The following DNAH14 variants were observed in gnomAD, a reference collection of about 807,000 sequenced individuals.
DNAH14 encodes axonemal beta dynein heavy chain 14.
In DNAH14, 478 loss-of-function variants were observed where a neutral mutation model predicts 520.9. The observed-to-expected ratio is 0.92, with a 90% CI of 0.85 to 0.99. The LOEUF (loss-of-function observed/expected upper bound fraction) is 0.99, where lower values mean the gene tolerates loss of function less well. Ranked by LOEUF, DNAH14 falls within the 50% of genes least tolerant of loss-of-function variation. DNAH14 has a pLI of 0.00. For missense variants in DNAH14, 4,831 were observed against 5,234.5 expected, an observed-to-expected ratio of 0.92 and a Z score of 2.38; for synonymous variants, 1,581 against 1,757.2, an observed-to-expected ratio of 0.90 and a Z score of 2.51.
Position 225,324,231 on chromosome 1 carries a change from A to G in DNAH14, c.9505A>G (p.Lys3169Glu). The G allele has an allele frequency of 6.4e-7, 1 of 1,551,690 alleles. No homozygotes were observed. Among genetic ancestry groups the G allele is most frequent in the Non-Finnish European group, 8.7e-7 (1 of 1,146,988 alleles). The change falls in exon 63 of 86, where the codon AAG (lysine) becomes GAG (glutamate). Residue 3169 changes from lysine (K) to glutamate (E), a missense_variant. Lys to Glu is a moderately conservative substitution (Grantham distance 56). Coordinates refer to ENST00000682510, the MANE Select transcript of DNAH14 (RefSeq NM_001367479.1). ...ACTGTGTTCTCTCTAGGTTTTCGTG[A>G]AGCTAAAAAAAATTGTAACCTTACC... ...KDSIPDKVFVKLKKIVTLPDF... is the reference protein window; with the variant it reads ...KDSIPDKVFVELKKIVTLPDF...
chr1:225,342,185 A>G (rs74551602), intron 69 of DNAH14, among the ~76,000 whole-genome samples: 23 of 152,184 alleles, frequency 1.5e-4, no homozygotes, highest in Non-Finnish European at 2.8e-4. Context: ...TAGTTTTTTT[A>G]AAAAGGCAAA....
At position 225,042,796 on chromosome 1, in the gene DNAH14, A is replaced by G. The variant is rs370623156; in HGVS notation, c.1489-39A>G. ...CTAAATTAAATGTTCTGTAAGTTAT[A>G]TGTTGTCACTGGCACCCTCACATTA... On this transcript the variant is annotated intron_variant, in intron 12 of 85. Coordinates refer to ENST00000682510, the MANE Select transcript of DNAH14 (RefSeq NM_001367479.1). 77 of 1,518,396 alleles carry G rather than the reference A, an allele frequency of 5.1e-5. No individual in the cohort carries two copies. The African/African-American group carries it at 8.9e-4, about 18-fold the overall frequency. 94.1% of individuals were successfully genotyped at this position (1,518,396 alleles called of 1,614,324 possible). A position where few individuals can be genotyped will look rare whatever the true frequency, so the allele number is the denominator to read the frequency against.
At chr1:225,097,821 A>G (rs1270548769) in intron 22 of DNAH14, among the ~76,000 whole-genome samples, 1 of 152,098 alleles carries the variant, frequency 6.6e-6, no homozygotes, top group Non-Finnish European at 1.5e-5. Context: ...AAACTACAAT[A>G]TTATGTGTTT....
At chr1:225,352,944 T>G (rs2095386955) in intron 72 of DNAH14, among the ~76,000 whole-genome samples, 2 of 152,090 alleles carry the variant, frequency 1.3e-5, no homozygotes, top group South Asian at 4.1e-4. Flanking sequence ...GACCCATAAT[T>G]TATTATACTG....
intron 17 of DNAH14, among the ~76,000 whole-genome samples, chr1:225,065,164 A>G (rs992009593): frequency 6.6e-6 from 1 of 152,028 alleles, no homozygotes; most frequent in Admixed American, 6.6e-5. Context: ...GCCCATGCCT[A>G]TGTCCTGAAT....
chr1:225,093,060 C>T (rs1458754623), intron 21 of DNAH14, among the ~76,000 whole-genome samples: 1 of 152,050 alleles, frequency 6.6e-6, no homozygotes, highest in Non-Finnish European at 1.5e-5. Context: ...CAGCCAAATT[C>T]TACCAGATGT....
At chr1:225,315,922 C>T (rs185901710) in intron 60 of DNAH14, among the ~76,000 whole-genome samples, 2 of 152,326 alleles carry the variant, frequency 1.3e-5, no homozygotes, top group African/African-American at 4.8e-5. Flanking sequence ...CCACTTGAGG[C>T]AGTCTGTCCC....
At chr1:225,176,023 G>A (rs12028308) in intron 36 of DNAH14, among the ~76,000 whole-genome samples, 36,760 of 151,872 alleles carry the variant, frequency 0.24, 5,400 homozygotes, top group Non-Finnish European at 0.32. Flanking sequence ...CAAAGTGCTC[G>A]GATTACAGGC....
intron 11 of DNAH14, among the ~76,000 whole-genome samples, chr1:225,035,304 TCTG>T (rs1191127349): frequency 6.6e-6 from 1 of 151,928 alleles, no homozygotes; most frequent in Non-Finnish European, 1.5e-5. Flanking sequence ...GTTTGCTCTC[TCTG>T]TTTTTTTAGT....
intron 8 of DNAH14, among the ~76,000 whole-genome samples, chr1:224,988,707 G>A (rs1465795098): frequency 4.6e-5 from 7 of 152,306 alleles, no homozygotes; most frequent in Admixed American, 4.6e-4. Flanking sequence ...GTGCAGTGTT[G>A]TGATCATAGC....
chr1:225,180,035 G>A (rs930038238), intron 36 of DNAH14, among the ~76,000 whole-genome samples: 1 of 151,960 alleles, frequency 6.6e-6, no homozygotes, highest in Non-Finnish European at 1.5e-5. Flanking sequence ...TCTGCTTTTA[G>A]GATCCTCTCC....
intron 36 of DNAH14, among the ~76,000 whole-genome samples, chr1:225,181,034 T>A (rs375980613): frequency 4.6e-5 from 7 of 152,328 alleles, no homozygotes; most frequent in African/African-American, 1.4e-4. Context: ...TCTGCCCATG[T>A]GTACTTAAGA....
rs868581095 is a variant in DNAH14 at position 225,097,211 on chromosome 1, C to A, written c.3667C>A (p.Pro1223Thr). ...NCQRNWLYLEPVFHSSEIRRQ... is the reference protein window; with the variant it reads ...NCQRNWLYLETVFHSSEIRRQ... ...TCAAAGAAATTGGCTTTATCTTGAA[C>A]CAGTCTTTCATTCTTCAGAAATACG... Residue 1223 changes from proline to threonine, a missense_variant, in exon 22 of 86, where the codon CCA becomes ACA. Physicochemically the swap from Pro to Thr is conservative, Grantham distance 38 (BLOSUM62 -1). Coordinates refer to ENST00000682510, the MANE Select transcript of DNAH14 (RefSeq NM_001367479.1). The A allele has an allele frequency of 2.7e-5, 42 of 1,550,350 alleles. 2 individuals are homozygous for A. The African/African-American group carries it at 3.3e-4, about 12-fold the overall frequency.
intron 36 of DNAH14, among the ~76,000 whole-genome samples, chr1:225,174,638 T>C (rs2083114479): frequency 6.6e-6 from 1 of 152,128 alleles, no homozygotes; most frequent in African/African-American, 2.4e-5. Flanking sequence ...CTTAAATTTC[T>C]CCTTTCTAAT....
At chr1:225,289,848 AATGT>A in intron 54 of DNAH14, 33 bp from the exon 55 acceptor site, 1 of 1,260,332 alleles carries the variant, frequency 7.9e-7, no homozygotes, top group Non-Finnish European at 1.0e-6. Flanking sequence ...ATTCCCAGAA[AATGT>A]ATGTCATGTG....
chr1:225,335,702 CAT>C (rs2094979838), intron 66 of DNAH14, among the ~76,000 whole-genome samples: 1 of 79,596 alleles, frequency 1.3e-5, no homozygotes, highest in Admixed American at 1.0e-4. Context: ...TACATATGTG[CAT>C]ATATGTATAT....
rs757829115 is a variant in DNAH14, at chr1:224,929,803, G to T, written c.-66G>T. 2 of 696,970 alleles carry T rather than the reference G, an allele frequency of 2.9e-6. 1 individual carries two copies. The highest frequency in any genetic ancestry group is 3.0e-5 in the South Asian group (2 of 67,394). 43.2% of individuals were successfully genotyped at this position (696,970 alleles called of 1,614,324 possible). ...CCGGACCTTCGCCGCTTCCAGGAAG[G>T]GCCACAACGGCCGTCGGACCACGGC... On this transcript the variant is annotated 5_prime_UTR_variant, in exon 1 of 86. Coordinates refer to ENST00000682510, the MANE Select transcript of DNAH14 (RefSeq NM_001367479.1).
chr1:225,397,044 G>C (rs1001403996), intron 84 of DNAH14: 7 of 148,496 alleles, frequency 4.7e-5, no homozygotes, highest in African/African-American at 1.7e-4. Flanking sequence ...GTCTTGCTCT[G>C]TTGCCCAGGC....
chr1:225,105,339 G>A (rs531005197), intron 23 of DNAH14, among the ~76,000 whole-genome samples: 15 of 152,192 alleles, frequency 9.9e-5, no homozygotes, highest in African/African-American at 3.6e-4. Context: ...GTGCAGTGTG[G>A]TGCTGAGAAG....
Sources: allele counts gnomAD v4.1 joint callset (sites outside exome capture counted in the v4.1 genomes callset), GRCh38; gene constraint gnomAD v4.1.1; transcripts MANE v1.5; gene names NCBI Gene and HGNC (gene_info 2026-07-23, HGNC 2026-07-21).